TMX1: variants seen among roughly 807,000 people sequenced by gnomAD.
TMX1 encodes thioredoxin-related transmembrane protein 1.
Under a neutral mutation model 36.6 loss-of-function variants are expected in TMX1, and 25 were observed. The observed-to-expected ratio is 0.68, with a 90% confidence interval of 0.50 to 0.95. The LOEUF is 0.95. Among genes scored for constraint, TMX1 ranks in the 40% least tolerant of loss-of-function variants. The pLI is 0.00. For missense variants in TMX1, 347 were observed against 339.6 expected, an observed-to-expected ratio of 1.02 and a Z score of -0.17; for synonymous variants, 133 against 118.0, an observed-to-expected ratio of 1.13 and a Z score of -0.82.
At chr14:51,247,317 G>C in intron 4 of TMX1, 97 bp downstream of exon 4, 1 of 1,292,802 alleles carries the variant, frequency 7.7e-7, no homozygotes, top group East Asian at 2.6e-5. Context: ...TGTTTCTTGA[G>C]CTGTTAAGGT....
At chr14:51,247,332 C>T in intron 4 of TMX1, 112 bp downstream of exon 4, 1 of 1,012,594 alleles carries the variant, frequency 9.9e-7, no homozygotes, top group Non-Finnish European at 1.4e-6. Context: ...TAAGGTATAT[C>T]CACATTTATT....
chr14:51,254,454 G>T lies in TMX1; in HGVS notation c.778G>T (p.Asp260Tyr), dbSNP rs1271619158. The change falls in exon 8 of 8, where the codon GAC (aspartate) becomes TAC (tyrosine). Residue 260 changes from aspartate (D) to tyrosine (Y), a missense_variant. Transcript: ENST00000457354. ...EAESKEGTNK[D>Y]FPQNAIRQRS... ...TGAAAGTAAAGAAGGAACAAACAAA[G>T]ACTTTCCACAGAATGCCATAAGACA... 1.2e-6 allele frequency: 2 copies of T among 1,611,818 alleles called. No homozygotes were observed. The highest frequency in any genetic ancestry group is 1.7e-6 in the Non-Finnish European group (2 of 1,179,190).
At chr14:51,245,016 T>C (rs1471760439) in intron 2 of TMX1, among the ~76,000 whole-genome samples, 1 of 152,212 alleles carries the variant, frequency 6.6e-6, no homozygotes. Context: ...CACAAGGTGC[T>C]CTTATTACTA....
At chr14:51,246,231 T>C (rs2065785051) in intron 3 of TMX1, among the ~76,000 whole-genome samples, 1 of 152,212 alleles carries the variant, frequency 6.6e-6, no homozygotes, top group Non-Finnish European at 1.5e-5. Context: ...TTTCACTTCT[T>C]AGTGCCCTGT....
chr14:51,240,488 A>G (rs1165712975), intron 1 of TMX1, 44 bp downstream of exon 1: 1 of 1,591,866 alleles, frequency 6.3e-7, no homozygotes, highest in Non-Finnish European at 8.6e-7. Context: ...GCCTGGACAC[A>G]CGACTTCACC....
chr14:51,249,254 G>C, intron 4 of TMX1, 72 bp from the exon 5 acceptor site: 2 of 1,251,090 alleles, frequency 1.6e-6, no homozygotes, highest in African/African-American at 3.0e-5. Context: ...GGAAATTATA[G>C]AGTAGAAAAT....
intron 3 of TMX1, 97 bp from the exon 4 acceptor site, chr14:51,246,995 A>G: frequency 2.7e-6 from 3 of 1,098,164 alleles, no homozygotes; most frequent in South Asian, 1.9e-5. Context: ...ATGCTTTTGA[A>G]TGTTAGAATT....
chr14:51,242,083 C>G (rs904314503), intron 1 of TMX1, among the ~76,000 whole-genome samples: 2 of 151,928 alleles, frequency 1.3e-5, no homozygotes, highest in African/African-American at 2.4e-5. Flanking sequence ...GAGCCGAGGT[C>G]GCACCACTGC....
rs2065831942 is a variant in TMX1, at chr14:51,254,937, A to T, written c.*418A>T. The T allele has an allele frequency of 6.5e-6, 1 of 152,798 alleles. No individual in the cohort carries two copies. The highest frequency in any genetic ancestry group is 2.4e-5 in the African/African-American group (1 of 41,476). The allele number at this position is 152,798 out of a possible 1,614,324, so 9.5% of individuals were successfully genotyped here. On this transcript the variant is annotated 3_prime_UTR_variant, in exon 8 of 8. Coordinates refer to ENST00000457354, the MANE Select transcript of TMX1 (RefSeq NM_030755.5). ...GTGTGAAAAAAAGAAGATATTTCCC[A>T]TAAATGGGAAGTTTGCCCATTGTCT...
chr14:51,246,548 G>A (rs1163559212), intron 3 of TMX1, among the ~76,000 whole-genome samples: 1 of 152,154 alleles, frequency 6.6e-6, no homozygotes, highest in East Asian at 1.9e-4. Flanking sequence ...GGAATGGGAA[G>A]GAGGAGGTGG....
In TMX1 at chr14:51,256,009, A is replaced by G. The variant is rs955932120; in HGVS notation, c.*1490A>G. 6.6e-5 allele frequency: 10 copies of G among 152,546 alleles called. No individual in the cohort carries two copies. Among genetic ancestry groups the G allele is most frequent in the South Asian group, 2.1e-4 (1 of 4,832 alleles). 9.4% of individuals were successfully genotyped at this position (152,546 alleles called of 1,614,324 possible). A position where few individuals can be genotyped will look rare whatever the true frequency, so the allele number is the denominator to read the frequency against. On this transcript the variant is annotated 3_prime_UTR_variant, in exon 8 of 8. Coordinates refer to ENST00000457354, the MANE Select transcript of TMX1 (RefSeq NM_030755.5). Reference sequence around the variant, plus strand: ...TTGTGATGCCTTAGAAAAATATCCTAAGCACAAAATAAACCTTTCTAACCA... The same window carrying G: ...TTGTGATGCCTTAGAAAAATATCCTGAGCACAAAATAAACCTTTCTAACCA...
intron 7 of TMX1, among the ~76,000 whole-genome samples, chr14:51,251,566 A>G (rs1319472323): frequency 1.3e-5 from 2 of 152,208 alleles, no homozygotes; most frequent in African/African-American, 2.4e-5. Flanking sequence ...CAAAGTACCT[A>G]CTAAGTCATG....
intron 4 of TMX1, 111 bp from the exon 5 acceptor site, chr14:51,249,211 CTTGA>C (rs2065799820): frequency 1.2e-6 from 1 of 821,640 alleles, no homozygotes; most frequent in African/African-American, 1.7e-5. Flanking sequence ...TGTCACTAGT[CTTGA>C]TTAACAGCAA....
intron 4 of TMX1, 80 bp downstream of exon 4, chr14:51,247,300 C>A: frequency 7.0e-7 from 1 of 1,427,008 alleles, no homozygotes; most frequent in Non-Finnish European, 9.4e-7. Context: ...AGCATTCATA[C>A]TCAGTTTGTT....
rs550399221 is a variant in TMX1, at chr14:51,251,299, C to A, written c.664+1534C>A. 5.3e-4 allele frequency among the ~76,000 whole-genome samples: 80 copies of A among 152,210 alleles called. 3 individuals are homozygous for A. The South Asian group carries it at 0.015, about 28-fold the overall frequency. On this transcript the variant is annotated intron_variant, in intron 7 of 7. Transcript: ENST00000457354. ...TATGGAGTACTTTTGTGATGCTGGG[C>A]AGATTAGGTTAGGTTAGGTGTATTA...
chr14:51,245,380 A>G, intron 3 of TMX1, 22 bp downstream of exon 3: 1 of 1,613,242 alleles, frequency 6.2e-7, no homozygotes. Flanking sequence ...AAGATTCTAA[A>G]TTATGGAGAA....
At chr14:51,245,287 A>G in intron 2 of TMX1, 26 bp from the exon 3 acceptor site, 2 of 1,613,110 alleles carry the variant, frequency 1.2e-6, no homozygotes, top group Non-Finnish European at 1.7e-6. Flanking sequence ...CCTATGTAAA[A>G]CCTGCTGTGT....
chr14:51,249,595 A>T, intron 6 of TMX1, 26 bp downstream of exon 6: 1 of 1,603,034 alleles, frequency 6.2e-7, no homozygotes, highest in Non-Finnish European at 8.5e-7. Context: ...TTGGAGTGCT[A>T]GGAAGAAAGA....
At position 51,257,431 on chromosome 14, in the gene TMX1, A is replaced by G. The variant is rs2139861926; in HGVS notation, c.*2912A>G. The G allele has an allele frequency of 6.6e-6, 1 of 152,328 alleles. No individual in the cohort carries two copies. Among genetic ancestry groups the G allele is most frequent in the Non-Finnish European group, 1.5e-5 (1 of 68,024 alleles). The allele number at this position is 152,328 out of a possible 1,614,324, so 9.4% of individuals were successfully genotyped here. On this transcript the variant is annotated 3_prime_UTR_variant, in exon 8 of 8. Coordinates refer to ENST00000457354, the MANE Select transcript of TMX1 (RefSeq NM_030755.5). ...GTCAATTTAAGGTAGAGTTCTTACAATATATTACTTTCAATATAGGTATTT... is the reference window on the plus strand; with the variant it reads ...GTCAATTTAAGGTAGAGTTCTTACAGTATATTACTTTCAATATAGGTATTT...
Sources: gnomAD v4.1 joint callset for allele counts (sites outside exome capture counted in the v4.1 genomes callset) on GRCh38, gnomAD v4.1.1 for gene constraint, MANE v1.5 for transcripts, NCBI Gene and HGNC (gene_info 2026-07-23, HGNC 2026-07-21) for gene names.